The following CUBN variants were observed in gnomAD, a reference collection of about 807,000 sequenced individuals.
The protein encoded by CUBN is cubilin, also known as 460 kDa receptor.
In CUBN, 282 loss-of-function variants were observed where a neutral mutation model predicts 405.3. That is an observed-to-expected ratio of 0.70 (90% CI 0.63 to 0.77). The LOEUF is 0.77. Among genes scored for constraint, CUBN ranks in the 30% least tolerant of loss-of-function variants. The probability of loss-of-function intolerance (pLI) is 0.00; values close to 1 mark genes in which losing one functional copy is unlikely to be tolerated. For missense variants in CUBN, 4,514 were observed against 4,475.2 expected, an observed-to-expected ratio of 1.01 and a Z score of -0.25; for synonymous variants, 1,684 against 1,617.0, an observed-to-expected ratio of 1.04 and a Z score of -0.99.
intron 54 of CUBN, among the ~76,000 whole-genome samples, chr10:16,896,456 C>T (rs74116753): frequency 0.033 from 5,038 of 152,114 alleles, 282 homozygotes; most frequent in African/African-American, 0.11. Flanking sequence ...TTGACAATTC[C>T]TTTGTTTCAG....
intron 45 of CUBN, among the ~76,000 whole-genome samples, chr10:16,916,613 G>A (rs77564034): frequency 6.6e-6 from 1 of 152,244 alleles, no homozygotes; most frequent in East Asian, 1.9e-4. Context: ...ACGATCTATG[G>A]TGTAGTTAAA....
In CUBN at chr10:16,947,323, G is replaced by C; in HGVS notation, c.5254C>G (p.Pro1752Ala). Residue 1752 changes from proline (P) to alanine (A), a missense_variant, in exon 36 of 67, where the codon CCT becomes GCT. Pro to Ala is a conservative substitution (Grantham distance 27, BLOSUM62 -1). Transcript: ENST00000377833. ...FYMAEGIFNS[P>A]GYPDIYPPNV... is the part of the protein sequence containing the mutation. ...GGGGGATAAATGTCTGGGTAGCCAG[G>C]GCTGTTGAAGATGCCTTCAGCCATG... 2 of 1,614,026 alleles carry C rather than the reference G, an allele frequency of 1.2e-6. No individual in the cohort carries two copies. Among genetic ancestry groups the C allele is most frequent in the Non-Finnish European group, 8.5e-7 (1 of 1,179,932 alleles).
At chr10:17,084,217 A>C in intron 17 of CUBN, 54 bp downstream of exon 17, 10 of 1,566,996 alleles carry the variant, frequency 6.4e-6, no homozygotes, top group Non-Finnish European at 8.8e-6. Context: ...CACTCTGCAG[A>C]ATATAAAAAT....
rs751434522 is a variant in CUBN, at chr10:16,824,960, C to T, written c.*15G>A. 33 of 1,586,986 alleles carry T rather than the reference C, an allele frequency of 2.1e-5. 1 individual carries two copies. The highest frequency in any genetic ancestry group is 8.9e-5 in the East Asian group (4 of 44,740). ...GCAGAGGGAAAGTGCTGAGTGAACA[C>T]GAGTTGTTACCCACTTAGCTGTCCC... On this transcript the variant is annotated 3_prime_UTR_variant, in exon 67 of 67. Transcript: ENST00000377833.
intron 27 of CUBN, among the ~76,000 whole-genome samples, chr10:17,035,030 A>T (rs1474589427): frequency 1.3e-5 from 2 of 151,834 alleles, no homozygotes; most frequent in Non-Finnish European, 2.9e-5. Context: ...ACTTAACCGG[A>T]CTAAGGTTTT....
At chr10:17,129,586 A>G in intron 1 of CUBN, 58 bp downstream of exon 1, 4 of 1,611,804 alleles carry the variant, frequency 2.5e-6, no homozygotes, top group Non-Finnish European at 3.4e-6. Flanking sequence ...GCTATTTGGG[A>G]AAACTGGTGA....
Position 16,915,065 on chromosome 10 carries a change from C to G in CUBN, c.7318G>C (p.Gly2440Arg). 1 of 1,614,062 alleles carries G rather than the reference C, an allele frequency of 6.2e-7. No homozygotes were observed. Among genetic ancestry groups the G allele is most frequent in the Non-Finnish European group, 8.5e-7 (1 of 1,180,008 alleles). The change falls in exon 47 of 67, where the codon GGA (glycine) becomes CGA (arginine). Residue 2440 changes from glycine to arginine, a missense_variant. Gly to Arg is a moderately radical substitution (Grantham distance 125, BLOSUM62 -2). Around this residue, in one of 5 missense-constraint regions of CUBN, gnomAD observed 1,613 missense variants for 1,542.8 expected, o/e 1.05. Coordinates refer to ENST00000377833, the MANE Select transcript of CUBN (RefSeq NM_001081.4). ...FVTDGSVTAS[G>R]FRLRFESSME... ...CTGGATTCAAATCGCAGTCTGAATCCTGAGGCAGTCACAGAGCCGTCTGTG... is the reference window on the plus strand; with the variant it reads ...CTGGATTCAAATCGCAGTCTGAATCGTGAGGCAGTCACAGAGCCGTCTGTG...
At chr10:16,836,505 G>A in intron 62 of CUBN, 123 bp from the exon 63 acceptor site, 5 of 958,404 alleles carry the variant, frequency 5.2e-6, no homozygotes, top group South Asian at 1.3e-5. Flanking sequence ...CAGCTCTGCT[G>A]TTGGAAGTGC....
At chr10:17,073,321 G>C (rs1351582563) in intron 17 of CUBN, among the ~76,000 whole-genome samples, 1 of 151,638 alleles carries the variant, frequency 6.6e-6, no homozygotes, top group African/African-American at 2.4e-5. Flanking sequence ...CAGTACATCA[G>C]ATAAGATAAG....
chr10:17,113,317 T>C (rs940945419), intron 8 of CUBN, among the ~76,000 whole-genome samples: 3 of 152,082 alleles, frequency 2.0e-5, no homozygotes, highest in Non-Finnish European at 4.4e-5. Flanking sequence ...TACATTATCT[T>C]TGTGGCTCCA....
rs2131400339 is a variant in CUBN at position 16,890,526 on chromosome 10, A to T, written c.8600T>A (p.Val2867Glu). ...DGQCQNSFVK[V>E]WAGTEEVDKA... Reference sequence around the variant, plus strand: ...GTCCACCTCCTCAGTTCCTGCCCACACCTAGCACGGACATACACAGAACTT... The same window carrying T: ...GTCCACCTCCTCAGTTCCTGCCCACTCCTAGCACGGACATACACAGAACTT... The change falls in exon 55 of 67, where the codon GTG becomes GAG. Residue 2867 changes from valine (V) to glutamate (E), a missense_variant and splice_region_variant. By Grantham distance (121) the Val-to-Glu change is moderately radical (BLOSUM62 -2). Around this residue, in one of 5 missense-constraint regions of CUBN, gnomAD observed 1,186 missense variants for 1,186.9 expected, o/e 1.00. Coordinates refer to ENST00000377833, the MANE Select transcript of CUBN (RefSeq NM_001081.4). 1.2e-6 allele frequency: 2 copies of T among 1,614,132 alleles called. No individual in the cohort carries two copies. Among genetic ancestry groups the T allele is most frequent in the Non-Finnish European group, 1.7e-6 (2 of 1,180,008 alleles).
chr10:16,924,014 T>C (rs1564426172), intron 43 of CUBN, among the ~76,000 whole-genome samples: 1 of 152,118 alleles, frequency 6.6e-6, no homozygotes, highest in Non-Finnish European at 1.5e-5. Context: ...GAGGTTGCAG[T>C]AGGCTGAGAT....
intron 54 of CUBN, among the ~76,000 whole-genome samples, chr10:16,897,883 C>T (rs948857087): frequency 3.9e-5 from 6 of 152,102 alleles, no homozygotes; most frequent in African/African-American, 7.2e-5. Flanking sequence ...GAGGGACCCC[C>T]ATTCAATCCA....
intron 51 of CUBN, among the ~76,000 whole-genome samples, chr10:16,901,897 A>ATATATATATATATACACCATATATAG (rs1841385423): frequency 2.0e-4 from 3 of 14,938 alleles, no homozygotes; most frequent in Non-Finnish European, 3.5e-4. Context: ...TAGTATATAT[A>ATATATATATATATACACCATATATAG]TATATATATA....
chr10:17,053,390 C>A (rs1271136558), intron 22 of CUBN, among the ~76,000 whole-genome samples: 1 of 151,578 alleles, frequency 6.6e-6, no homozygotes, highest in African/African-American at 2.4e-5. Flanking sequence ...AAAAGATATA[C>A]CATATGAACA....
In CUBN at chr10:16,904,111, A is replaced by G. The variant is rs1439164972; in HGVS notation, c.7917T>C (p.Asp2639=). 2.5e-6 allele frequency: 4 copies of G among 1,613,720 alleles called. No individual in the cohort carries two copies. Among genetic ancestry groups the G allele is most frequent in the Non-Finnish European group, 3.4e-6 (4 of 1,179,742 alleles). The part of the protein sequence containing the change: ...QFDVLEFRVG[D]ADGPLMWRLC... ...GTCTCCACATCAGGGGCCCATCAGC[A>G]TCACCTGAACAAAATAATATACCAA... The change falls in exon 51 of 67, where the codon GAT becomes GAC. Residue 2639 remains aspartate (D), a synonymous_variant. Coordinates refer to ENST00000377833, the MANE Select transcript of CUBN (RefSeq NM_001081.4).
At chr10:17,045,663 G>A (rs1266684474) in intron 24 of CUBN, among the ~76,000 whole-genome samples, 2 of 152,110 alleles carry the variant, frequency 1.3e-5, no homozygotes, top group African/African-American at 4.8e-5. Context: ...TGTGAGTACA[G>A]GAGTGAGCCA....
At chr10:16,867,269 A>G (rs1840214135) in intron 59 of CUBN, among the ~76,000 whole-genome samples, 1 of 152,040 alleles carries the variant, frequency 6.6e-6, no homozygotes, top group Admixed American at 6.5e-5. Context: ...GTTTTACATA[A>G]ATGAGTTGGA....
chr10:17,062,744 C>T (rs1337933952), intron 22 of CUBN, among the ~76,000 whole-genome samples: 1 of 152,170 alleles, frequency 6.6e-6, no homozygotes, highest in Non-Finnish European at 1.5e-5. Flanking sequence ...GAAACTTAAC[C>T]TTTATCAGAT....
Sources: gnomAD v4.1 joint callset for allele counts (sites outside exome capture counted in the v4.1 genomes callset) on GRCh38, gnomAD v4.1.1 for gene constraint, gnomAD v4.1.1 regional missense constraint, MANE v1.5 for transcripts, NCBI Gene and HGNC (gene_info 2026-07-23, HGNC 2026-07-21) for gene names.